Variants in PRMT3 observed in about 807,000 individuals in gnomAD.
The protein encoded by PRMT3 is protein arginine methyltransferase 3.
A neutral mutation model predicts 71.9 loss-of-function variants in PRMT3; 62 were observed. That is an observed-to-expected ratio of 0.86 (90% CI 0.70 to 1.07). The LOEUF (loss-of-function observed/expected upper bound fraction) is 1.07, where lower values mean the gene tolerates loss of function less well. PRMT3 is among the 50% of genes least tolerant of loss of function. The probability of loss-of-function intolerance (pLI) is 0.00; values close to 1 mark genes in which losing one functional copy is unlikely to be tolerated. For synonymous variants in PRMT3, 213 were observed against 220.4 expected, an observed-to-expected ratio of 0.97 and a Z score of 0.30; for missense variants, 663 against 643.0, an observed-to-expected ratio of 1.03 and a Z score of -0.34.
At chr11:20,456,411 G>A (rs942325600) in intron 11 of PRMT3, among the ~76,000 whole-genome samples, 5 of 152,164 alleles carry the variant, frequency 3.3e-5, no homozygotes, top group African/African-American at 1.2e-4. Context: ...TGTGTATAGT[G>A]TGAGATAAGG....
intron 3 of PRMT3, among the ~76,000 whole-genome samples, chr11:20,391,481 G>T (rs945104111): frequency 6.6e-6 from 1 of 152,152 alleles, no homozygotes; most frequent in African/African-American, 2.4e-5. Flanking sequence ...GACCTCAGGT[G>T]ATCCGCCTGC....
Position 20,508,889 on chromosome 11 carries a change from A to C in PRMT3, c.*476A>C, listed in dbSNP as rs1325205744. On this transcript the variant is annotated 3_prime_UTR_variant, in exon 16 of 16. Transcript: ENST00000331079. ...ATTTGCTAGAAAATCAGGATGTAAT[A>C]AAGATTTGTATAAAAAAACTAAAAT... 5.4e-6 allele frequency: 1 copy of C among 186,876 alleles called. No individual in the cohort carries two copies. The highest frequency in any genetic ancestry group is 1.1e-5 in the Non-Finnish European group (1 of 87,164). The allele number at this position is 186,876 out of a possible 1,614,324, so 11.6% of individuals were successfully genotyped here.
At chr11:20,478,630 G>C (rs7396037) in intron 13 of PRMT3, among the ~76,000 whole-genome samples, 84,327 of 151,902 alleles carry the variant, frequency 0.56, 24,368 homozygotes, top group Middle Eastern at 0.67. Flanking sequence ...TTCAGTTACT[G>C]AGTTTTTTAA....
intron 9 of PRMT3, among the ~76,000 whole-genome samples, chr11:20,418,207 C>G (rs1205857147): frequency 6.6e-6 from 1 of 152,108 alleles, no homozygotes; most frequent in African/African-American, 2.4e-5. Flanking sequence ...CGTCATAGTT[C>G]TCTACATTAG....
At chr11:20,424,222 A>G (rs1849492885) in intron 9 of PRMT3, among the ~76,000 whole-genome samples, 1 of 150,264 alleles carries the variant, frequency 6.7e-6, no homozygotes. Context: ...AGTGCAAATG[A>G]TCAAGAATAG....
chr11:20,394,063 A>G (rs1848773169), intron 5 of PRMT3, among the ~76,000 whole-genome samples: 2 of 152,216 alleles, frequency 1.3e-5, no homozygotes, highest in African/African-American at 4.8e-5. Context: ...AGTCTCTTAT[A>G]GTATAATGCA....
chr11:20,486,820 G>C (rs1030520989), intron 13 of PRMT3, among the ~76,000 whole-genome samples: 3 of 152,084 alleles, frequency 2.0e-5, no homozygotes, highest in Admixed American at 2.0e-4. Flanking sequence ...ACTTCGGCAG[G>C]GCGAAGCAGG....
At chr11:20,486,696 A>G (rs896932849) in intron 13 of PRMT3, among the ~76,000 whole-genome samples, 1 of 152,176 alleles carries the variant, frequency 6.6e-6, no homozygotes, top group Admixed American at 6.5e-5. Flanking sequence ...TGACATTATC[A>G]CTGTGCTGCC....
intron 13 of PRMT3, among the ~76,000 whole-genome samples, chr11:20,474,761 C>T (rs1277357777): frequency 6.6e-6 from 1 of 152,330 alleles, no homozygotes; most frequent in Non-Finnish European, 1.5e-5. Flanking sequence ...ACAAAAAGTT[C>T]TCTCAGCGAG....
chr11:20,505,969 G>A (rs1262744114), intron 15 of PRMT3, among the ~76,000 whole-genome samples: 1 of 151,956 alleles, frequency 6.6e-6, no homozygotes, highest in Non-Finnish European at 1.5e-5. Flanking sequence ...ATAGAGATAG[G>A]GAAGCACCAG....
At chr11:20,410,034 G>A (rs1287603003) in intron 9 of PRMT3, among the ~76,000 whole-genome samples, 1 of 152,026 alleles carries the variant, frequency 6.6e-6, no homozygotes, top group South Asian at 2.1e-4. Context: ...GGGACTAGAT[G>A]TGCTCTCATT....
chr11:20,508,605 C>G lies in PRMT3; in HGVS notation c.*192C>G, dbSNP rs1176671530. 1 of 684,460 alleles carries G rather than the reference C, an allele frequency of 1.5e-6. No individual in the cohort carries two copies. The highest frequency in any genetic ancestry group is 2.0e-5 in the Admixed American group (1 of 49,370). 42.4% of individuals were successfully genotyped at this position (684,460 alleles called of 1,614,324 possible). On this transcript the variant is annotated 3_prime_UTR_variant, in exon 16 of 16. Coordinates refer to ENST00000331079, the MANE Select transcript of PRMT3 (RefSeq NM_005788.4). Reference sequence around the variant, plus strand: ...CTGAGGAAGAGAATCAGCTGATCCTCATGGTCTGCCACGTAATCATTTTCT... The same window carrying G: ...CTGAGGAAGAGAATCAGCTGATCCTGATGGTCTGCCACGTAATCATTTTCT...
intron 8 of PRMT3, 154 bp from the exon 9 acceptor site, chr11:20,407,757 A>G: frequency 1.6e-6 from 1 of 611,152 alleles, no homozygotes; most frequent in Non-Finnish European, 2.6e-6. Context: ...GGGAGGCCAA[A>G]GGATTACAGG....
intron 11 of PRMT3, among the ~76,000 whole-genome samples, chr11:20,460,328 A>C (rs1437739911): frequency 6.6e-6 from 1 of 152,182 alleles, no homozygotes; most frequent in Non-Finnish European, 1.5e-5. Flanking sequence ...CATGTGATTT[A>C]TATTTTTAAT....
intron 10 of PRMT3, among the ~76,000 whole-genome samples, chr11:20,435,007 T>G (rs1186288855): frequency 2.0e-5 from 3 of 152,196 alleles, no homozygotes; most frequent in Non-Finnish European, 4.4e-5. Context: ...ATCCTTCTAC[T>G]CATCTGCATG....
chr11:20,391,616 T>C lies in PRMT3; in HGVS notation c.248-595T>C, dbSNP rs183024018. 3.7e-3 allele frequency among the ~76,000 whole-genome samples: 559 copies of C among 152,330 alleles called. 2 individuals carry two copies. The highest frequency in any genetic ancestry group is 6.0e-3 in the Non-Finnish European group (411 of 68,038). On this transcript the variant is annotated intron_variant, in intron 3 of 15. Transcript: ENST00000331079. Reference sequence around the variant, plus strand: ...ATAGAATTTTGTTTTGTTTTTTTTTTACTTACCGATATAGGGGGTTTGTAT... The same window carrying C: ...ATAGAATTTTGTTTTGTTTTTTTTTCACTTACCGATATAGGGGGTTTGTAT...
intron 10 of PRMT3, among the ~76,000 whole-genome samples, chr11:20,428,960 A>G (rs971519111): frequency 6.6e-6 from 1 of 152,286 alleles, no homozygotes; most frequent in African/African-American, 2.4e-5. Context: ...GTAGCCTAGG[A>G]ATGCTAGTTA....
At chr11:20,419,640 G>A (rs1296064298) in intron 9 of PRMT3, among the ~76,000 whole-genome samples, 1 of 152,106 alleles carries the variant, frequency 6.6e-6, no homozygotes. Flanking sequence ...ATTGATTTTT[G>A]TATATAGTAT....
Position 20,454,932 on chromosome 11 carries a change from A to T in PRMT3, c.1072+2724A>T, listed in dbSNP as rs184501649. Among the ~76,000 whole-genome samples the T allele has an allele frequency of 1.4e-4, 22 of 152,236 alleles. No homozygotes were observed. In the East Asian group the frequency reaches 4.2e-3, roughly 29 times the overall value. Reference sequence around the variant, plus strand: ...TGTTCATCTACCCCATTATCAATCAAGCAATTCCACTGTGTTTTAGAGTTA... The same window carrying T: ...TGTTCATCTACCCCATTATCAATCATGCAATTCCACTGTGTTTTAGAGTTA... On this transcript the variant is annotated intron_variant, in intron 11 of 15. Coordinates refer to ENST00000331079, the MANE Select transcript of PRMT3 (RefSeq NM_005788.4).
Sources: gnomAD v4.1 joint callset for allele counts (sites outside exome capture counted in the v4.1 genomes callset) on GRCh38, gnomAD v4.1.1 for gene constraint, MANE v1.5 for transcripts, NCBI Gene and HGNC (gene_info 2026-07-23, HGNC 2026-07-21) for gene names.